The following IFT122 variants were observed in gnomAD, a reference collection of about 807,000 sequenced individuals.
IFT122 encodes intraflagellar transport protein 122 homolog.
A neutral mutation model predicts 161.6 loss-of-function variants in IFT122; 118 were observed. The observed-to-expected ratio is 0.73, with a 90% CI of 0.63 to 0.85. The LOEUF (loss-of-function observed/expected upper bound fraction) is 0.85, where lower values mean the gene tolerates loss of function less well. IFT122 is among the 40% of genes least tolerant of loss of function. The pLI, the probability that IFT122 is intolerant of heterozygous loss-of-function variation, is 0.00. For synonymous variants in IFT122, 550 were observed against 602.4 expected, an observed-to-expected ratio of 0.91 and a Z score of 1.27; for missense variants, 1,381 against 1,579.6, an observed-to-expected ratio of 0.87 and a Z score of 2.13.
At position 129,506,431 on chromosome 3, in the gene IFT122, G is replaced by A; in HGVS notation, c.2673G>A (p.Gln891=). Reference sequence around the variant, plus strand: ...CAGCGTTCCACAAGGCTGGGCGACAGAGAGAAGCGGTCCAGGTGCTGGAGC... The same window carrying A: ...CAGCGTTCCACAAGGCTGGGCGACAAAGAGAAGCGGTCCAGGTGCTGGAGC... The part of the protein sequence containing the change: ...AQKAFHKAGR[Q]REAVQVLEQL... Residue 891 remains glutamine, a synonymous_variant, in exon 22 of 30, where the codon CAG becomes CAA. Coordinates refer to ENST00000348417, the MANE Select transcript of IFT122 (RefSeq NM_052989.3). 1 of 1,614,016 alleles carries A rather than the reference G, an allele frequency of 6.2e-7. No individual in the cohort carries two copies. Among genetic ancestry groups the A allele is most frequent in the East Asian group, 2.2e-5 (1 of 44,882 alleles).
intron 1 of IFT122, among the ~76,000 whole-genome samples, chr3:129,444,033 A>G (rs1027875893): frequency 2.0e-5 from 3 of 152,212 alleles, no homozygotes; most frequent in African/African-American, 7.2e-5. Flanking sequence ...AGGTGCAGAC[A>G]CTGCTCCAAC....
intron 20 of IFT122, among the ~76,000 whole-genome samples, chr3:129,503,194 G>A (rs1024099798): frequency 6.6e-6 from 1 of 152,212 alleles, no homozygotes; most frequent in African/African-American, 2.4e-5. Context: ...GGGCTGAGCT[G>A]CCTCTGACCA....
At chr3:129,443,446 T>C (rs1194876833) in intron 1 of IFT122, among the ~76,000 whole-genome samples, 1 of 152,202 alleles carries the variant, frequency 6.6e-6, no homozygotes, top group East Asian at 1.9e-4. Flanking sequence ...ATGAGTGAGC[T>C]CCCAGCCCTG....
intron 9 of IFT122, among the ~76,000 whole-genome samples, chr3:129,473,142 G>A (rs899984688): frequency 2.2e-4 from 33 of 151,990 alleles, no homozygotes; most frequent in African/African-American, 6.5e-4. Flanking sequence ...CCCTAAAAAC[G>A]AACAAACAAA....
At chr3:129,494,337 T>TG (rs2080564289) in intron 17 of IFT122, among the ~76,000 whole-genome samples, 1 of 152,110 alleles carries the variant, frequency 6.6e-6, no homozygotes, top group South Asian at 2.1e-4. Flanking sequence ...TAAGCCACCA[T>TG]GTCCAGCCAA....
intron 10 of IFT122, 44 bp from the exon 11 acceptor site, chr3:129,476,619 C>G (rs1181861049): frequency 6.2e-7 from 1 of 1,614,058 alleles, no homozygotes; most frequent in Non-Finnish European, 8.5e-7. Flanking sequence ...GGAATGCAGA[C>G]TTTCTCCAGA....
intron 4 of IFT122, among the ~76,000 whole-genome samples, chr3:129,459,612 C>G (rs1159044298): frequency 1.1e-5 from 1 of 89,580 alleles, no homozygotes; most frequent in East Asian, 3.3e-4. Flanking sequence ...TTCCTTCTTT[C>G]CTTCCTTCCT....
At chr3:129,464,608 C>T (rs2076521493) in intron 6 of IFT122, 27 bp from the exon 7 acceptor site, 2 of 1,614,066 alleles carry the variant, frequency 1.2e-6, no homozygotes, top group African/African-American at 1.3e-5. Flanking sequence ...CCCCTATCCC[C>T]ATGCCTTTTG....
intron 14 of IFT122, among the ~76,000 whole-genome samples, chr3:129,482,659 C>T (rs1352622368): frequency 3.9e-5 from 6 of 152,230 alleles, no homozygotes; most frequent in South Asian, 2.1e-4. Context: ...AGAATGGTTT[C>T]GGGGAAAGAG....
intron 20 of IFT122, 103 bp downstream of exon 20, chr3:129,502,985 C>T (rs1168663058): frequency 1.9e-6 from 2 of 1,074,874 alleles, no homozygotes; most frequent in African/African-American, 3.1e-5. Flanking sequence ...GAGAAGCTGC[C>T]CTCGTGATGG....
intron 3 of IFT122, chr3:129,458,013 C>A (rs901076097): frequency 6.3e-6 from 1 of 157,742 alleles, no homozygotes; most frequent in Non-Finnish European, 1.4e-5. Context: ...GCTGGGATTA[C>A]AGGTGTGAGC....
At chr3:129,492,870 G>T (rs72983902) in intron 17 of IFT122, among the ~76,000 whole-genome samples, 5,065 of 145,072 alleles carry the variant, frequency 0.035, 260 homozygotes, top group South Asian at 0.11. Context: ...CCAGGCTCAA[G>T]CGCAGTGGCA....
At chr3:129,509,105 G>T (rs777296857) in intron 23 of IFT122, among the ~76,000 whole-genome samples, 14 of 152,106 alleles carry the variant, frequency 9.2e-5, no homozygotes, top group Non-Finnish European at 1.9e-4. Context: ...GGTCATCACG[G>T]TTGTCATGTA....
Position 129,484,228 on chromosome 3 carries a change from A to G in IFT122, c.1851+546A>G, listed in dbSNP as rs2079014430. Among the ~76,000 whole-genome samples the G allele has an allele frequency of 3.3e-5, 5 of 151,974 alleles. No homozygotes were observed. In the South Asian group the frequency reaches 1.0e-3, roughly 32 times the overall value. On this transcript the variant is annotated intron_variant, in intron 15 of 29. Transcript: ENST00000348417. ...GAGCCACAGAATGGGGGAGGGCAGA[A>G]CCACAGACAGGCGCCTGAGATTGAC...
At chr3:129,450,317 A>G (rs902572517) in intron 2 of IFT122, among the ~76,000 whole-genome samples, 1 of 152,160 alleles carries the variant, frequency 6.6e-6, no homozygotes, top group Non-Finnish European at 1.5e-5. Flanking sequence ...CCTGACCCCA[A>G]CTTTTAGGCA....
chr3:129,516,034 TACAG>T (rs1485428208), intron 26 of IFT122, among the ~76,000 whole-genome samples: 1 of 98,358 alleles, frequency 1.0e-5, no homozygotes, highest in Admixed American at 9.6e-5. Context: ...CACACACACA[TACAG>T]AAACTGCCCC....
chr3:129,502,776 A>G lies in IFT122; in HGVS notation c.2441A>G (p.Tyr814Cys), dbSNP rs763054120. The change falls in exon 20 of 30, where the codon TAC (tyrosine) becomes TGC (cysteine). Residue 814 changes from tyrosine to cysteine, a missense_variant. By Grantham distance (194) the Tyr-to-Cys change is radical (BLOSUM62 -2). Coordinates refer to ENST00000348417, the MANE Select transcript of IFT122 (RefSeq NM_052989.3). The part of the protein sequence containing the change: ...EREPLLLCAT[Y>C]LKKLDSPGYA... ...GAGCCCCTGCTGCTGTGCGCTACCT[A>G]CCTCAAGAAGCTGGACAGCCCTGGC... 7 of 1,612,902 alleles carry G rather than the reference A, an allele frequency of 4.3e-6. No individual in the cohort carries two copies. The highest frequency in any genetic ancestry group is 5.9e-6 in the Non-Finnish European group (7 of 1,180,026).
intron 15 of IFT122, among the ~76,000 whole-genome samples, chr3:129,486,958 GA>G (rs900249658): frequency 8.5e-5 from 13 of 152,322 alleles, no homozygotes; most frequent in African/African-American, 3.1e-4. Context: ...TGGCATGGTG[GA>G]AAAGATAAGC....
At chr3:129,507,838 C>G (rs764879296) in intron 23 of IFT122, 76 bp downstream of exon 23, 78 of 1,088,050 alleles carry the variant, frequency 7.2e-5, no homozygotes, top group Non-Finnish European at 1.1e-4. Flanking sequence ...TAAAGAGCAG[C>G]AGACTGGATG....
Sources: allele counts gnomAD v4.1 joint callset (sites outside exome capture counted in the v4.1 genomes callset), GRCh38; gene constraint gnomAD v4.1.1; transcripts MANE v1.5; gene names NCBI Gene and HGNC (gene_info 2026-07-23, HGNC 2026-07-21).